KANK2: variants seen among roughly 807,000 people sequenced by gnomAD.
The protein encoded by KANK2 is KN motif and ankyrin repeat domains 2.
In KANK2, 41 loss-of-function variants were observed where a neutral mutation model predicts 74.6. The ratio of observed to expected loss-of-function variants is 0.55; its 90% CI spans 0.43 to 0.71. KANK2 has a LOEUF of 0.71. Among genes scored for constraint, KANK2 ranks in the 30% least tolerant of loss-of-function variants. KANK2 has a pLI of 0.00. For missense variants in KANK2, 1,148 were observed against 1,196.4 expected (o/e 0.96, Z 0.60); for synonymous variants, 537 against 519.0 (o/e 1.03, Z -0.47).
intron 4 of KANK2, among the ~76,000 whole-genome samples, chr19:11,187,275 A>G (rs2078704036): frequency 6.6e-6 from 1 of 152,180 alleles, no homozygotes; most frequent in South Asian, 2.1e-4. Flanking sequence ...AAAGGAAGAA[A>G]AAAAAGAAAA....
intron 12 of KANK2, among the ~76,000 whole-genome samples, chr19:11,168,303 CTCTT>C (rs113448236): frequency 0.026 from 3,895 of 151,730 alleles, 157 homozygotes; most frequent in African/African-American, 0.09. Context: ...CACGCCTGGC[CTCTT>C]TCTTTTTTTT....
Position 11,193,739 on chromosome 19 carries a change from A to G in KANK2, c.341T>C (p.Leu114Pro). 1 of 1,612,510 alleles carries G rather than the reference A, an allele frequency of 6.2e-7. No homozygotes were observed. The highest frequency in any genetic ancestry group is 8.5e-7 in the Non-Finnish European group (1 of 1,179,706). The change falls in exon 4 of 13, where the codon CTG (leucine) becomes CCG (proline). Residue 114 changes from leucine (L) to proline (P), a missense_variant. Coordinates refer to ENST00000586659, the MANE Select transcript of KANK2 (RefSeq NM_001136191.3). This position sits in a 1 kb window ranked among gnomAD's most constrained non-coding sequence, Gnocchi z 9.6. ...GRGFYPQYGALETRGGFNPRV... is the reference protein window; with the variant it reads ...GRGFYPQYGAPETRGGFNPRV... ...CGGATTGAAGCCACCGCGGGTCTCC[A>G]GAGCACCATACTGAGGGTAGAAGCC...
chr19:11,176,869 G>T, intron 6 of KANK2, 52 bp from the exon 7 acceptor site: 1 of 1,483,164 alleles, frequency 6.7e-7, no homozygotes, highest in Non-Finnish European at 8.9e-7. Flanking sequence ...GATGAGAAAT[G>T]GTGGGAAAGG....
chr19:11,169,759 C>T lies in KANK2; in HGVS notation c.2502+118G>A. 3 of 821,656 alleles carry T rather than the reference C, an allele frequency of 3.7e-6. No homozygotes were observed. The South Asian group carries it at 4.9e-5, about 13-fold the overall frequency. 50.9% of individuals were successfully genotyped at this position (821,656 alleles called of 1,614,324 possible). ...GAGGTTGCAATGAGCCCAGATCGTG[C>T]CACCGCACTCCACCCTGGGCGACAG... On this transcript the variant is annotated intron_variant, in intron 12 of 12. Transcript: ENST00000586659.
At position 11,193,883 on chromosome 19, in the gene KANK2, C is replaced by T. The variant is rs199815425; in HGVS notation, c.197G>A (p.Arg66His). The T allele has an allele frequency of 6.7e-5, 108 of 1,613,450 alleles. No individual in the cohort carries two copies. Among genetic ancestry groups the T allele is most frequent in the African/African-American group, 1.2e-4 (9 of 74,916 alleles). ...GGGCAGCGAGCTCAGGCGGGGGCGG[C>T]GCTGCACTGCCACGCGTCGCAGCGT... Reference protein sequence around the residue: ...GHTLRRVAVQRRPRLSSLPRG... With the variant: ...GHTLRRVAVQHRPRLSSLPRG... The change falls in exon 4 of 13, where the codon CGC becomes CAC. Residue 66 changes from arginine to histidine, a missense_variant. By Grantham distance (29) the Arg-to-His change is conservative. Coordinates refer to ENST00000586659, the MANE Select transcript of KANK2 (RefSeq NM_001136191.3). The surrounding 1 kb of genome is among the most constrained non-coding windows in gnomAD (Gnocchi z 9.6).
At chr19:11,174,949 C>CTT (rs2078290367) in intron 8 of KANK2, among the ~76,000 whole-genome samples, 1 of 146,646 alleles carries the variant, frequency 6.8e-6, no homozygotes, top group African/African-American at 2.7e-5. Flanking sequence ...TATAATTTCT[C>CTT]TCTCTCTCTT....
In KANK2 at chr19:11,170,015, C is replaced by T. The variant is rs958492803; in HGVS notation, c.2412+33G>A. 14 of 1,612,028 alleles carry T rather than the reference C, an allele frequency of 8.7e-6. No individual in the cohort carries two copies. The Admixed American group carries it at 1.2e-4, about 13-fold the overall frequency. On this transcript the variant is annotated intron_variant, in intron 11 of 12. Coordinates refer to ENST00000586659, the MANE Select transcript of KANK2 (RefSeq NM_001136191.3). The surrounding 1 kb of genome is among the most constrained non-coding windows in gnomAD (Gnocchi z 5.2). ...ATGACGTCCCCATGCTGTGCTCCCG[C>T]CCTCCCCGGGGTGCACCTGGTTGGA...
At position 11,176,613 on chromosome 19, in the gene KANK2, C is replaced by T. The variant is rs2078344401; in HGVS notation, c.1725G>A (p.Glu575=). 6.2e-7 allele frequency: 1 copy of T among 1,608,010 alleles called. No individual in the cohort carries two copies. The highest frequency in any genetic ancestry group is 8.5e-7 in the Non-Finnish European group (1 of 1,176,876). Residue 575 remains glutamate, a synonymous_variant, in exon 7 of 13, where the codon GAG becomes GAA. Coordinates refer to ENST00000586659, the MANE Select transcript of KANK2 (RefSeq NM_001136191.3). ...SRESQHIPTA[E]GASGSNTEEE... Reference sequence around the variant, plus strand: ...CCTCCGTGTTTGATCCTGATGCCCCCTCAGCAGTGGGTATGTGCTGAGATT... The same window carrying T: ...CCTCCGTGTTTGATCCTGATGCCCCTTCAGCAGTGGGTATGTGCTGAGATT...
At chr19:11,166,735 A>C in intron 12 of KANK2, 124 bp from the exon 13 acceptor site, 1 of 824,202 alleles carries the variant, frequency 1.2e-6, no homozygotes, top group Non-Finnish European at 2.0e-6. Context: ...CCTGGCCCCA[A>C]GGAGGTGGCG....
rs775442721 is a variant in KANK2 at position 11,170,135 on chromosome 19, G to T, written c.2325C>A (p.Ala775=). 3 of 1,612,888 alleles carry T rather than the reference G, an allele frequency of 1.9e-6. No homozygotes were observed. Among genetic ancestry groups the T allele is most frequent in the Non-Finnish European group, 2.5e-6 (3 of 1,180,020 alleles). The change falls in exon 11 of 13, where the codon GCC becomes GCA. Residue 775 remains alanine, a synonymous_variant. Transcript: ENST00000586659. The surrounding 1 kb of genome is among the most constrained non-coding windows in gnomAD (Gnocchi z 5.2). ...VNVQDDDGST[A]LMCACEHGHK... ...GGCCGTGCTCACAGGCGCACATGAGGGCCGTGGAGCCGTCATCATCTTGCA... is the reference window on the plus strand; with the variant it reads ...GGCCGTGCTCACAGGCGCACATGAGTGCCGTGGAGCCGTCATCATCTTGCA...
At position 11,170,518 on chromosome 19, in the gene KANK2, G is replaced by A. The variant is rs755301179; in HGVS notation, c.2212-270C>T. 2.4e-5 allele frequency: 13 copies of A among 538,698 alleles called. No individual in the cohort carries two copies. The highest frequency in any genetic ancestry group is 3.8e-5 in the African/African-American group (2 of 52,820). 33.4% of individuals were successfully genotyped at this position (538,698 alleles called of 1,614,324 possible). ...GGTTTCCTTTGGGGGTGAAGAGAAC[G>A]TTCTGGAACTAGACGGAGGTGTTGG... On this transcript the variant is annotated intron_variant, in intron 10 of 12. Coordinates refer to ENST00000586659, the MANE Select transcript of KANK2 (RefSeq NM_001136191.3). This position sits in a 1 kb window ranked among gnomAD's most constrained non-coding sequence, Gnocchi z 5.2.
Position 11,194,612 on chromosome 19 carries a change from G to A in KANK2, c.-79-22C>T, listed in dbSNP as rs146171706. On this transcript the variant is annotated intron_variant, in intron 2 of 12. Transcript: ENST00000586659. Reference sequence around the variant, plus strand: ...TTACCTGGGGAAAGAGAACCACGGCGCCGGGAGTTAGGAGTCTGTAGGGGG... The same window carrying A: ...TTACCTGGGGAAAGAGAACCACGGCACCGGGAGTTAGGAGTCTGTAGGGGG... The A allele has an allele frequency of 0.011, 10,996 of 957,534 alleles. 104 individuals carry two copies. The highest frequency in any genetic ancestry group is 0.014 in the Non-Finnish European group (8,153 of 595,914). 59.3% of individuals were successfully genotyped at this position (957,534 alleles called of 1,614,324 possible). A position where few individuals can be genotyped will look rare whatever the true frequency, so the allele number is the denominator to read the frequency against.
intron 8 of KANK2, among the ~76,000 whole-genome samples, chr19:11,175,427 C>CAAA (rs753933217): frequency 0.047 from 705 of 14,902 alleles, 65 homozygotes; most frequent in Non-Finnish European, 0.08. Context: ...GACTCCCTCT[C>CAAA]AAAAAAAAAA....
intron 4 of KANK2, among the ~76,000 whole-genome samples, chr19:11,184,369 CTG>C (rs2078616289): frequency 6.9e-6 from 1 of 144,816 alleles, no homozygotes; most frequent in Non-Finnish European, 1.5e-5. Context: ...GAGCGAAACT[CTG>C]TCTCAAAAAC....
chr19:11,173,543 GC>G (rs2078239193), intron 9 of KANK2, among the ~76,000 whole-genome samples: 1 of 152,180 alleles, frequency 6.6e-6, no homozygotes, highest in African/African-American at 2.4e-5. Context: ...TTCTTTCCAA[GC>G]CCCAGACTTG....
intron 4 of KANK2, among the ~76,000 whole-genome samples, chr19:11,191,704 G>A (rs1443181481): frequency 6.6e-6 from 1 of 152,160 alleles, no homozygotes; most frequent in Non-Finnish European, 1.5e-5. Context: ...TTGCCTGCCT[G>A]AAAGAGAAGC....
At chr19:11,190,014 T>C (rs1200348194) in intron 4 of KANK2, among the ~76,000 whole-genome samples, 1 of 152,188 alleles carries the variant, frequency 6.6e-6, no homozygotes, top group East Asian at 1.9e-4. Context: ...CTCCAGCCTG[T>C]GCCCTCCAGT....
intron 4 of KANK2, 37 bp downstream of exon 4, chr19:11,192,794 C>G (rs7254271): frequency 9.6e-5 from 153 of 1,593,686 alleles, no homozygotes; most frequent in East Asian, 2.5e-4. Flanking sequence ...CCCCCCCCCC[C>G]CAAGCCATTC....
At chr19:11,192,404 C>T (rs1289186167) in intron 4 of KANK2, 13 of 258,964 alleles carry the variant, frequency 5.0e-5, no homozygotes, top group Middle Eastern at 1.5e-3. Context: ...GGTGGAAGGT[C>T]GGGGGCTGGG....
Sources: gnomAD v4.1 joint callset for allele counts (sites outside exome capture counted in the v4.1 genomes callset) on GRCh38, gnomAD v4.1.1 for gene constraint, Gnocchi (gnomAD v3.1) non-coding constraint, MANE v1.5 for transcripts, NCBI Gene and HGNC (gene_info 2026-07-23, HGNC 2026-07-21) for gene names.